Variants in ADCY3 observed in about 807,000 individuals in gnomAD.
ADCY3 encodes the protein adenylate cyclase 3.
Under a neutral mutation model 119.4 loss-of-function variants are expected in ADCY3, and 70 were observed. The observed-to-expected ratio is 0.59, with a 90% CI of 0.48 to 0.72. ADCY3 has a LOEUF of 0.72. Among genes scored for constraint, ADCY3 ranks in the 30% least tolerant of loss-of-function variants. ADCY3 has a pLI of 0.00. For missense variants in ADCY3, 1,238 were observed against 1,541.6 expected, an observed-to-expected ratio of 0.80 and a Z score of 3.30; for synonymous variants, 672 against 621.4, an observed-to-expected ratio of 1.08 and a Z score of -1.21.
At chr2:24,910,950 A>G (rs1446240680) in intron 2 of ADCY3, among the ~76,000 whole-genome samples, 1 of 151,916 alleles carries the variant, frequency 6.6e-6, no homozygotes, top group African/African-American at 2.4e-5. Flanking sequence ...TGGCCTTAAT[A>G]TTTTCTTGAT....
rs766073974 is a variant in ADCY3 at position 24,834,810 on chromosome 2, G to T, written c.1789C>A (p.Arg597=). The change falls in exon 10 of 22, where the codon CGA becomes AGA. Residue 597 remains arginine (R), a synonymous_variant. Transcript: ENST00000679454. This position sits in a 1 kb window ranked among gnomAD's most constrained non-coding sequence, Gnocchi z 4.2. ...NQLLNEALLE[R]ESAQVVKKRN... is the part of the protein sequence containing the mutation. Reference sequence around the variant, plus strand: ...GGCGCTTACACTTGGGCGGACTCTCGCTCAAGCAGGGCCTCGTTGAGCAGC... The same window carrying T: ...GGCGCTTACACTTGGGCGGACTCTCTCTCAAGCAGGGCCTCGTTGAGCAGC... 3.1e-6 allele frequency: 5 copies of T among 1,613,484 alleles called. No individual in the cohort carries two copies. Among genetic ancestry groups the T allele is most frequent in the Non-Finnish European group, 4.2e-6 (5 of 1,179,856 alleles).
chr2:24,875,363 C>A (rs535111697), intron 2 of ADCY3, among the ~76,000 whole-genome samples: 1 of 152,368 alleles, frequency 6.6e-6, no homozygotes, highest in East Asian at 1.9e-4. Flanking sequence ...CCACCCCACC[C>A]CCCGTGGGTG....
chr2:24,822,262 C>T, intron 19 of ADCY3: 2 of 404,524 alleles, frequency 4.9e-6, no homozygotes, highest in Non-Finnish European at 4.4e-6. Context: ...CCTTAGGGGG[C>T]CTGGCCACAG....
chr2:24,877,054 CAG>C (rs1170918945), intron 2 of ADCY3, among the ~76,000 whole-genome samples: 5 of 152,234 alleles, frequency 3.3e-5, no homozygotes, highest in Non-Finnish European at 7.3e-5. Context: ...GGGAGCCCTG[CAG>C]AGACCTCCCA....
At chr2:24,856,379 G>A (rs1558460288) in intron 3 of ADCY3, among the ~76,000 whole-genome samples, 2 of 152,178 alleles carry the variant, frequency 1.3e-5, no homozygotes, top group Admixed American at 6.5e-5. Context: ...CCCATCACAG[G>A]CTGTGAGCAT....
intron 2 of ADCY3, among the ~76,000 whole-genome samples, chr2:24,911,195 T>C (rs1663576021): frequency 6.7e-6 from 1 of 148,580 alleles, no homozygotes; most frequent in Admixed American, 6.7e-5. Context: ...CTCAACAGGC[T>C]CCGAGGGAAG....
At chr2:24,852,302 C>T (rs1041543950) in intron 3 of ADCY3, among the ~76,000 whole-genome samples, 1 of 152,228 alleles carries the variant, frequency 6.6e-6, no homozygotes, top group Non-Finnish European at 1.5e-5. Context: ...TCCTCAAAGA[C>T]GTCCTGTGGC....
chr2:24,821,440 T>C, intron 20 of ADCY3, 77 bp downstream of exon 20: 1 of 1,574,650 alleles, frequency 6.4e-7, no homozygotes, highest in Non-Finnish European at 8.6e-7. Flanking sequence ...CTGAGCCTCA[T>C]GTCTCTCCTG....
chr2:24,874,604 G>A (rs1259892250), intron 2 of ADCY3, among the ~76,000 whole-genome samples: 1 of 152,320 alleles, frequency 6.6e-6, no homozygotes, highest in African/African-American at 2.4e-5. Context: ...GCTTCTGTGG[G>A]CCAGGTCTTC....
intron 2 of ADCY3, among the ~76,000 whole-genome samples, chr2:24,908,061 C>T (rs1183178764): frequency 1.4e-5 from 2 of 146,636 alleles, no homozygotes; most frequent in Non-Finnish European, 3.0e-5. Context: ...ATGGCTCACG[C>T]CTGTAATCCC....
In ADCY3 at chr2:24,823,357, TAA is replaced by T. The variant is rs889563269; in HGVS notation, c.2737-4_2737-3del. On this transcript the variant is annotated splice_polypyrimidine_tract_variant and splice_region_variant and intron_variant, in intron 17 of 21. Transcript: ENST00000679454. The stretch of plus-strand genomic sequence containing the variant: ...ATCATACGTCTGGCTATACAGCTCC[TAA>T]AAAGAGGTGCGGACAACGTGCTCAA... 2 of 1,610,456 alleles carry T rather than the reference TAA, an allele frequency of 1.2e-6. No individual in the cohort carries two copies. The highest frequency in any genetic ancestry group is 1.3e-5 in the African/African-American group (1 of 74,838).
chr2:24,878,271 T>C lies in ADCY3; in HGVS notation c.676-5552A>G, dbSNP rs1394365534. Among the ~76,000 whole-genome samples the C allele has an allele frequency of 6.6e-6, 1 of 152,036 alleles. No homozygotes were observed. Among genetic ancestry groups the C allele is most frequent in the Non-Finnish European group, 1.5e-5 (1 of 67,996 alleles). The stretch of plus-strand genomic sequence containing the variant: ...GCTCAGAACGCAACCATGAGAACAT[T>C]CCTTTACAAAATCCTCCCTCCTGGA... On this transcript the variant is annotated intron_variant, in intron 2 of 21. Transcript: ENST00000679454. The surrounding 1 kb of genome is among the most constrained non-coding windows in gnomAD (Gnocchi z 4.0).
rs529616505 is a variant in ADCY3 at position 24,913,662 on chromosome 2, A to G, written c.675+4651T>C. 1.2e-4 allele frequency among the ~76,000 whole-genome samples: 18 copies of G among 152,314 alleles called. No homozygotes were observed. The South Asian group carries it at 2.7e-3, about 23-fold the overall frequency. On this transcript the variant is annotated intron_variant, in intron 2 of 21. Coordinates refer to ENST00000679454, the MANE Select transcript of ADCY3 (RefSeq NM_004036.5). ...CAACAGCTACCTGCCGTCTGCAGACAGGGTGTCTCTGGAAGCCTCAGTTTC... is the reference window on the plus strand; with the variant it reads ...CAACAGCTACCTGCCGTCTGCAGACGGGGTGTCTCTGGAAGCCTCAGTTTC...
intron 2 of ADCY3, among the ~76,000 whole-genome samples, chr2:24,886,311 C>G (rs1293654215): frequency 2.0e-5 from 3 of 152,204 alleles, no homozygotes; most frequent in Admixed American, 2.0e-4. Flanking sequence ...CCTGCACCCC[C>G]AATGTGGGAA....
At position 24,918,469 on chromosome 2, in the gene ADCY3, G is replaced by A; in HGVS notation, c.519C>T (p.Val173=). 1 of 1,614,074 alleles carries A rather than the reference G, an allele frequency of 6.2e-7. No homozygotes were observed. The highest frequency in any genetic ancestry group is 8.5e-7 in the Non-Finnish European group (1 of 1,180,026). ...TGATGAAGAAGGAGAAGACAAAGAA[G>A]ACCTGCCAGCCCACCGTGTCACTAG... ...HAASDTVGWQ[V]FFVFSFFITL... is the part of the protein sequence containing the mutation. Residue 173 remains valine, a synonymous_variant, in exon 2 of 22, where the codon GTC becomes GTT. Transcript: ENST00000679454. The surrounding 1 kb of genome is among the most constrained non-coding windows in gnomAD (Gnocchi z 5.4).
At chr2:24,891,573 A>C (rs1456982561) in intron 2 of ADCY3, among the ~76,000 whole-genome samples, 1 of 152,376 alleles carries the variant, frequency 6.6e-6, no homozygotes, top group East Asian at 1.9e-4. Context: ...GTTTCCTTTA[A>C]GTGAAAAGAA....
chr2:24,858,682 G>A (rs1369773424), intron 3 of ADCY3, among the ~76,000 whole-genome samples: 1 of 152,200 alleles, frequency 6.6e-6, no homozygotes, highest in Admixed American at 6.5e-5. Context: ...CAACTCTACA[G>A]TTCTCCAGCA....
At chr2:24,886,829 G>A (rs1677082849) in intron 2 of ADCY3, among the ~76,000 whole-genome samples, 1 of 152,226 alleles carries the variant, frequency 6.6e-6, no homozygotes, top group African/African-American at 2.4e-5. Context: ...GCTGCCATGT[G>A]CCCTGAGTGG....
intron 2 of ADCY3, among the ~76,000 whole-genome samples, chr2:24,877,765 C>T (rs567366779): frequency 6.6e-6 from 1 of 152,254 alleles, no homozygotes; most frequent in African/African-American, 2.4e-5. Context: ...GTTCTGCACA[C>T]ACACAGGCAC....
Sources: allele counts gnomAD v4.1 joint callset (sites outside exome capture counted in the v4.1 genomes callset), GRCh38; gene constraint gnomAD v4.1.1; non-coding constraint Gnocchi (gnomAD v3.1); transcripts MANE v1.5; gene names NCBI Gene and HGNC (gene_info 2026-07-23, HGNC 2026-07-21).